The following PAICS variants were observed in gnomAD, a reference collection of about 807,000 sequenced individuals.
PAICS encodes the protein phosphoribosylaminoimidazole carboxylase and phosphoribosylaminoimidazolesuccinocarboxamide synthase.
PAICS carries 33 observed loss-of-function variants against 53.7 expected under a neutral mutation model. The ratio of observed to expected loss-of-function variants is 0.61; its 90% CI spans 0.47 to 0.82. The LOEUF is 0.82. PAICS is among the 40% of genes least tolerant of loss of function. PAICS has a pLI of 0.00. For synonymous variants in PAICS, 141 were observed against 167.2 expected (o/e 0.84, Z 1.21); for missense variants, 394 against 494.1 (o/e 0.80, Z 1.92).
intron 8 of PAICS, among the ~76,000 whole-genome samples, chr4:56,458,607 T>C (rs868731173): frequency 2.1e-4 from 32 of 152,336 alleles, no homozygotes; most frequent in African/African-American, 7.7e-4. Flanking sequence ...TTAATACAAA[T>C]TAGTAAATTG....
rs748579905 is a variant in PAICS, at chr4:56,451,989, C to T, written c.889C>T (p.Leu297Phe). ...ACGNFGIPCE[L>F]RVTSAHKGPD... The stretch of plus-strand genomic sequence containing the variant: ...TGGAAATTTTGGCATTCCATGTGAA[C>T]TTCGAGTAACATCTGCGCATAAAGG... The change falls in exon 7 of 9, where the codon CTT becomes TTT. Residue 297 changes from leucine (L) to phenylalanine (F), a missense_variant. Transcript: ENST00000512576. 2 of 1,609,036 alleles carry T rather than the reference C, an allele frequency of 1.2e-6. No individual in the cohort carries two copies. The highest frequency in any genetic ancestry group is 1.7e-6 in the Non-Finnish European group (2 of 1,177,400).
chr4:56,434,021 G>A (rs1261753828), upstream of PAICS, among the ~76,000 whole-genome samples: 1 of 152,084 alleles, frequency 6.6e-6, no homozygotes, highest in East Asian at 1.9e-4. Flanking sequence ...AACTAATGTT[G>A]CTCACAACTA....
upstream of PAICS, chr4:56,435,430 C>T (rs1717854924): frequency 6.2e-7 from 1 of 1,613,924 alleles, no homozygotes; most frequent in African/African-American, 1.3e-5. Flanking sequence ...AGGCGATGCA[C>T]CCGAACACGC....
chr4:56,449,045 TAAC>T (rs1718766368), intron 5 of PAICS, among the ~76,000 whole-genome samples: 1 of 152,312 alleles, frequency 6.6e-6, no homozygotes, highest in South Asian at 2.1e-4. Flanking sequence ...GTTATCTTAA[TAAC>T]ATTGTCACAA....
chr4:56,418,527 G>A, the PAICS span, among the ~76,000 whole-genome samples: 1 of 151,932 alleles, frequency 6.6e-6, no homozygotes, highest in South Asian at 2.1e-4. Context: ...GCCCTGTTGG[G>A]AGGCTGGTCT....
At chr4:56,434,118 A>C (rs1717763471), upstream of PAICS, among the ~76,000 whole-genome samples, 1 of 152,244 alleles carries the variant, frequency 6.6e-6, no homozygotes, top group Non-Finnish European at 1.5e-5. Context: ...GAAATCTATT[A>C]TGGTCAACCC....
At chr4:56,454,660 A>G (rs55917205) in intron 8 of PAICS, among the ~76,000 whole-genome samples, 3,905 of 152,018 alleles carry the variant, frequency 0.026, 70 homozygotes, top group Middle Eastern at 0.068. Context: ...AGAATTTTCT[A>G]TATTTTGGAT....
intron 1 of PAICS, chr4:56,436,629 A>T: frequency 1.5e-6 from 1 of 654,790 alleles, no homozygotes; most frequent in Admixed American, 2.1e-5. Flanking sequence ...TTGATTCGTC[A>T]AAACCTGAGT....
chr4:56,431,914 C>G (rs144356437), upstream of PAICS, among the ~76,000 whole-genome samples: 1 of 152,282 alleles, frequency 6.6e-6, no homozygotes, highest in Non-Finnish European at 1.5e-5. Context: ...CACACACATG[C>G]ATGCACAGTT....
rs1421065108 is a variant in PAICS, at chr4:56,451,974, G to A, written c.874G>A (p.Gly292Ser). 1 of 1,607,734 alleles carries A rather than the reference G, an allele frequency of 6.2e-7. No individual in the cohort carries two copies. The highest frequency in any genetic ancestry group is 8.5e-7 in the Non-Finnish European group (1 of 1,176,644). Residue 292 changes from glycine to serine, a missense_variant, in exon 7 of 9, where the codon GGC becomes AGC. Physicochemically the swap from Gly to Ser is moderately conservative, Grantham distance 56. Transcript: ENST00000512576. Reference protein sequence around the residue: ...EKIKKACGNFGIPCELRVTSA... With the variant: ...EKIKKACGNFSIPCELRVTSA... ...AATCAAGAAGGCCTGTGGAAATTTT[G>A]GCATTCCATGTGAACTTCGAGTAAC...
chr4:56,419,286 C>T, the PAICS span, among the ~76,000 whole-genome samples: 4,054 of 152,152 alleles, frequency 0.027, 195 homozygotes, highest in African/African-American at 0.092. Context: ...GTAAATGCTA[C>T]ACATTTATAT....
chr4:56,417,216 T>C, the PAICS span, among the ~76,000 whole-genome samples: 1 of 152,070 alleles, frequency 6.6e-6, no homozygotes, highest in Admixed American at 6.6e-5. Context: ...GAAAAACTTA[T>C]TTGTAACCCA....
the PAICS span, among the ~76,000 whole-genome samples, chr4:56,427,043 G>A: frequency 6.6e-6 from 1 of 151,812 alleles, no homozygotes; most frequent in Admixed American, 6.6e-5. Context: ...ATATCTTTAG[G>A]GCTCCTCCAT....
intron 8 of PAICS, among the ~76,000 whole-genome samples, chr4:56,458,205 G>A (rs1227422566): frequency 6.6e-6 from 1 of 151,962 alleles, no homozygotes; most frequent in Admixed American, 6.6e-5. Context: ...CTTTTGAGGA[G>A]TAGTTTTACA....
the PAICS span, among the ~76,000 whole-genome samples, chr4:56,416,002 G>T: frequency 1.3e-5 from 2 of 151,516 alleles, no homozygotes. Flanking sequence ...CCCGGGAGGC[G>T]GAGGTTGCAG....
At chr4:56,433,396 T>C (rs114930404), upstream of PAICS, among the ~76,000 whole-genome samples, 2,205 of 93,570 alleles carry the variant, frequency 0.024, 58 homozygotes, top group African/African-American at 0.08. Context: ...ATGGTATTCA[T>C]TAAAAAAAAA....
chr4:56,453,772 T>C lies in PAICS; in HGVS notation c.1111+11T>C. 6.6e-7 allele frequency: 1 copy of C among 1,525,678 alleles called. No homozygotes were observed. The highest frequency in any genetic ancestry group is 1.7e-4 in the Middle Eastern group (1 of 5,818). 94.5% of individuals were successfully genotyped at this position (1,525,678 alleles called of 1,614,324 possible). A position where few individuals can be genotyped will look rare whatever the true frequency, so the allele number is the denominator to read the frequency against. ...TTCGACTACCCAGTGGTAAGATACA[T>C]TGAATTTTTAAAAACTGTTCATTAC... On this transcript the variant is annotated intron_variant, in intron 8 of 8. Coordinates refer to ENST00000512576, the MANE Select transcript of PAICS (RefSeq NM_001079524.2).
the PAICS span, among the ~76,000 whole-genome samples, chr4:56,424,663 CGA>C: frequency 4.6e-5 from 7 of 152,166 alleles, no homozygotes; most frequent in South Asian, 1.0e-3. Context: ...GAAGCATAAG[CGA>C]GAGAGGATAA....
chr4:56,443,105 A>G (rs57763717), intron 2 of PAICS, among the ~76,000 whole-genome samples: 125 of 152,338 alleles, frequency 8.2e-4, no homozygotes, highest in African/African-American at 2.9e-3. Flanking sequence ...TGACTGAGGT[A>G]ATTTCTAAAG....
Sources: gnomAD v4.1 joint callset for allele counts (sites outside exome capture counted in the v4.1 genomes callset) on GRCh38, gnomAD v4.1.1 for gene constraint, MANE v1.5 for transcripts, NCBI Gene and HGNC (gene_info 2026-07-23, HGNC 2026-07-21) for gene names.